Variants in MALT1 observed in about 807,000 individuals in gnomAD.
The protein encoded by MALT1 is mucosa-associated lymphoid tissue lymphoma translocation protein 1.
In MALT1, 36 loss-of-function variants were observed where a neutral mutation model predicts 85.5. That is an observed-to-expected ratio of 0.42 (90% confidence interval 0.32 to 0.56). The LOEUF is 0.56. Among genes scored for constraint, MALT1 ranks in the 20% least tolerant of loss-of-function variants. The pLI, the probability that MALT1 is intolerant of heterozygous loss-of-function variation, is 0.10. For synonymous variants in MALT1, 359 were observed against 361.3 expected (o/e 0.99, Z 0.07); for missense variants, 716 against 981.6 (o/e 0.73, Z 3.62).
At position 58,714,116 on chromosome 18, in the gene MALT1, A is replaced by G; in HGVS notation, c.985+7A>G. On this transcript the variant is annotated splice_region_variant and intron_variant, in intron 8 of 16. Coordinates refer to ENST00000649217, the MANE Select transcript of MALT1 (RefSeq NM_006785.4). ...AATAATCTTGGTCATCCTGGTGAGT[A>G]ATACAAACATAAAACTTTAGTTTTA... 1 of 1,256,666 alleles carries G rather than the reference A, an allele frequency of 8.0e-7. No individual in the cohort carries two copies. Among genetic ancestry groups the G allele is most frequent in the Non-Finnish European group, 1.1e-6 (1 of 878,438 alleles). The allele number at this position is 1,256,666 out of a possible 1,614,324, so 77.8% of individuals were successfully genotyped here. A position where few individuals can be genotyped will look rare whatever the true frequency, so the allele number is the denominator to read the frequency against.
chr18:58,739,994 T>G (rs930785112), intron 13 of MALT1, among the ~76,000 whole-genome samples: 2 of 152,206 alleles, frequency 1.3e-5, no homozygotes, highest in African/African-American at 4.8e-5. Context: ...GGGATTGGTA[T>G]TTTTTTGGTA....
chr18:58,722,104 T>C (rs2054991960), intron 9 of MALT1, among the ~76,000 whole-genome samples: 1 of 54,434 alleles, frequency 1.8e-5, no homozygotes, highest in Non-Finnish European at 6.7e-5. Flanking sequence ...TGGTGTGTTC[T>C]TTATTTTTTT....
At chr18:58,693,902 C>CAAT (rs2054550031) in intron 2 of MALT1, among the ~76,000 whole-genome samples, 1 of 152,168 alleles carries the variant, frequency 6.6e-6, no homozygotes, top group African/African-American at 2.4e-5. Flanking sequence ...GTCATTGTTG[C>CAAT]AACTTTTTCC....
At chr18:58,676,264 C>T (rs938143447) in intron 1 of MALT1, among the ~76,000 whole-genome samples, 8 of 152,128 alleles carry the variant, frequency 5.3e-5, no homozygotes, top group African/African-American at 1.9e-4. Flanking sequence ...GCGTGGTAGC[C>T]TCACACCTGT....
chr18:58,743,651 C>T (rs1469604937), intron 14 of MALT1, among the ~76,000 whole-genome samples: 1 of 151,904 alleles, frequency 6.6e-6, no homozygotes, highest in Non-Finnish European at 1.5e-5. Context: ...AGTAAACAAG[C>T]AAATGATACA....
At chr18:58,691,917 G>T (rs1306459778) in intron 2 of MALT1, 1 of 150,746 alleles carries the variant, frequency 6.6e-6, no homozygotes, top group African/African-American at 2.4e-5. Flanking sequence ...GGTGGCACGT[G>T]CCTGTAATCC....
In MALT1 at chr18:58,741,955, A is replaced by G. The variant is rs746607855; in HGVS notation, c.1694A>G (p.Gln565Arg). 2.5e-6 allele frequency: 4 copies of G among 1,569,650 alleles called. No homozygotes were observed. The highest frequency in any genetic ancestry group is 1.2e-5 in the South Asian group (1 of 85,294). The change falls in exon 14 of 17, where the codon CAG becomes CGG. Residue 565 changes from glutamine to arginine, a missense_variant. Gln to Arg is a conservative substitution (Grantham distance 43, BLOSUM62 1). This residue lies in a region of MALT1 where 260 missense variants were observed against 323.7 expected (regional missense o/e 0.80). Coordinates refer to ENST00000649217, the MANE Select transcript of MALT1 (RefSeq NM_006785.4). Reference protein sequence around the residue: ...SEKRALTDPIQGTEYSAESLV... With the variant: ...SEKRALTDPIRGTEYSAESLV... ...AAGAGAGCACTTACTGATCCAATAC[A>G]GGGAACAGAATATTCTGCTGAATCT...
intron 1 of MALT1, among the ~76,000 whole-genome samples, chr18:58,678,727 A>G (rs2054277187): frequency 6.6e-6 from 1 of 152,220 alleles, no homozygotes; most frequent in African/African-American, 2.4e-5. Context: ...AAAACAACAA[A>G]GAAGAATGTG....
intron 1 of MALT1, among the ~76,000 whole-genome samples, chr18:58,680,942 A>G (rs931036848): frequency 1.3e-5 from 2 of 151,308 alleles, no homozygotes; most frequent in African/African-American, 4.9e-5. Context: ...AAAAAAAAAA[A>G]AAAAAAAAAA....
At chr18:58,745,180 G>A (rs1037357552) in intron 15 of MALT1, among the ~76,000 whole-genome samples, 1 of 152,174 alleles carries the variant, frequency 6.6e-6, no homozygotes, top group South Asian at 2.1e-4. Flanking sequence ...CAAGCTGGGG[G>A]CCTGTGGGCT....
intron 4 of MALT1, among the ~76,000 whole-genome samples, chr18:58,702,073 A>G (rs573450094): frequency 1.5e-4 from 23 of 152,194 alleles, no homozygotes; most frequent in African/African-American, 5.5e-4. Context: ...TATTTAAGAA[A>G]CAGATTGTGG....
chr18:58,682,130 A>G (rs1478590903), intron 2 of MALT1, among the ~76,000 whole-genome samples: 1 of 152,152 alleles, frequency 6.6e-6, no homozygotes, highest in East Asian at 1.9e-4. Flanking sequence ...AAAGGACCTG[A>G]TGCACTCTAT....
At chr18:58,698,532 G>A (rs1020150983) in intron 3 of MALT1, among the ~76,000 whole-genome samples, 2 of 152,170 alleles carry the variant, frequency 1.3e-5, no homozygotes, top group Non-Finnish European at 2.9e-5. Context: ...AGTCAACTAA[G>A]CTGACAGATT....
intron 10 of MALT1, among the ~76,000 whole-genome samples, chr18:58,724,683 T>C (rs2055029016): frequency 1.3e-5 from 2 of 152,202 alleles, no homozygotes; most frequent in South Asian, 4.1e-4. Flanking sequence ...TGTATAAAAT[T>C]ACCTTCAGGC....
In MALT1 at chr18:58,748,189, GA is replaced by G; in HGVS notation, c.*350del. 3.8e-6 allele frequency: 1 copy of G among 265,412 alleles called. No individual in the cohort carries two copies. The highest frequency in any genetic ancestry group is 7.2e-6 in the Non-Finnish European group (1 of 138,154). 16.4% of individuals were successfully genotyped at this position (265,412 alleles called of 1,614,324 possible). ...ATAAGTCATTGTATTTTTAACACCA[GA>G]AAGAACCTTGCCGATCACCAGGCAT... is the stretch of plus-strand genomic sequence containing the variant. On this transcript the variant is annotated 3_prime_UTR_variant, in exon 17 of 17. Coordinates refer to ENST00000649217, the MANE Select transcript of MALT1 (RefSeq NM_006785.4).
At position 58,715,944 on chromosome 18, in the gene MALT1, A is replaced by T. The variant is rs763088743; in HGVS notation, c.995A>T (p.Glu332Val). ...LNNLGHPDNK[E>V]QTTDQPLAKD... ...TTTTATCTTTGTATAGATAATAAAG[A>T]GCAAACAACTGACCAGCCTTTGGGT... Residue 332 changes from glutamate (E) to valine (V), a missense_variant, in exon 9 of 17, where the codon GAG (glutamate) becomes GTG (valine). By Grantham distance (121) the Glu-to-Val change is moderately radical. This residue lies in a region of MALT1 where 290 missense variants were observed against 380.5 expected (regional missense o/e 0.76). Transcript: ENST00000649217. 1.2e-6 allele frequency: 2 copies of T among 1,604,544 alleles called. No homozygotes were observed. The highest frequency in any genetic ancestry group is 1.1e-5 in the South Asian group (1 of 88,970).
rs1183610425 is a variant in MALT1 at position 58,750,795 on chromosome 18, T to C, written c.*2953T>C. On this transcript the variant is annotated 3_prime_UTR_variant, in exon 17 of 17. Coordinates refer to ENST00000649217, the MANE Select transcript of MALT1 (RefSeq NM_006785.4). Reference sequence around the variant, plus strand: ...CTTAGAAGAAAACAGAAGTAAATCTTTGTGATGTTGGGCTTAGGAATGGTT... The same window carrying C: ...CTTAGAAGAAAACAGAAGTAAATCTCTGTGATGTTGGGCTTAGGAATGGTT... 1.3e-5 allele frequency: 2 copies of C among 152,170 alleles called. No individual in the cohort carries two copies. Among genetic ancestry groups the C allele is most frequent in the Admixed American group, 6.5e-5 (1 of 15,276 alleles). The allele number at this position is 152,170 out of a possible 1,614,324, so 9.4% of individuals were successfully genotyped here.
chr18:58,712,827 T>C (rs1430297065), intron 7 of MALT1, among the ~76,000 whole-genome samples: 5 of 152,174 alleles, frequency 3.3e-5, no homozygotes, highest in African/African-American at 9.6e-5. Flanking sequence ...GAAAAAAAGA[T>C]ACTTGATCAG....
At chr18:58,746,477 TTTTAA>T (rs1240528834) in intron 16 of MALT1, among the ~76,000 whole-genome samples, 1 of 152,240 alleles carries the variant, frequency 6.6e-6, no homozygotes, top group African/African-American at 2.4e-5. Context: ...TAATGAAAGC[TTTTAA>T]TTTGTTCACA....
Sources: allele counts gnomAD v4.1 joint callset (sites outside exome capture counted in the v4.1 genomes callset), GRCh38; gene constraint gnomAD v4.1.1; regional missense constraint gnomAD v4.1.1; transcripts MANE v1.5; gene names NCBI Gene and HGNC (gene_info 2026-07-23, HGNC 2026-07-21).